The following STK32B variants were observed in gnomAD, a reference collection of about 807,000 sequenced individuals.
STK32B encodes the protein serine/threonine-protein kinase 32B.
In STK32B, 43 loss-of-function variants were observed where a neutral mutation model predicts 52.6. That is an observed-to-expected ratio of 0.82 (90% CI 0.64 to 1.05). The LOEUF (loss-of-function observed/expected upper bound fraction) is 1.05, where lower values mean the gene tolerates loss of function less well. Among genes scored for constraint, STK32B ranks in the 50% least tolerant of loss-of-function variants. STK32B has a pLI of 0.00. For missense variants in STK32B, 621 were observed against 534.6 expected (o/e 1.16, Z -1.59); for synonymous variants, 238 against 204.3 (o/e 1.17, Z -1.41).
intron 11 of STK32B, among the ~76,000 whole-genome samples, chr4:5,483,181 C>T (rs1560451541): frequency 6.6e-6 from 1 of 151,710 alleles, no homozygotes; most frequent in Non-Finnish European, 1.5e-5. Flanking sequence ...CCTCCTTGTA[C>T]CTCTGGTAGA....
chr4:5,491,622 CT>C (rs2108726406), intron 11 of STK32B, among the ~76,000 whole-genome samples: 1 of 152,052 alleles, frequency 6.6e-6, no homozygotes, highest in East Asian at 1.9e-4. Context: ...GTTGCCATTG[CT>C]TTTGGTGTTT....
rs74577998 is a variant in STK32B at position 5,338,426 on chromosome 4, G to A, written c.434+7033G>A. 4.5e-4 allele frequency among the ~76,000 whole-genome samples: 69 copies of A among 152,310 alleles called. No homozygotes were observed. In the East Asian group the frequency reaches 0.013, roughly 28 times the overall value. On this transcript the variant is annotated intron_variant, in intron 4 of 11. Transcript: ENST00000282908. ...AGAAGGTCACACCAGGGTAGAGTATGCTTCTGTTCCTTGATTGGGCTTCTT... is the reference window on the plus strand; with the variant it reads ...AGAAGGTCACACCAGGGTAGAGTATACTTCTGTTCCTTGATTGGGCTTCTT...
At chr4:5,154,417 G>T (rs1461264551) in intron 2 of STK32B, among the ~76,000 whole-genome samples, 3 of 152,110 alleles carry the variant, frequency 2.0e-5, no homozygotes, top group Non-Finnish European at 2.9e-5. Context: ...GTTTCACCAT[G>T]TTGGTCAGGC....
intron 5 of STK32B, among the ~76,000 whole-genome samples, chr4:5,406,265 G>T (rs56049798): frequency 1.3e-5 from 2 of 152,220 alleles, no homozygotes; most frequent in South Asian, 2.1e-4. Context: ...ATCTCTGCCC[G>T]TGTTGCTCTG....
chr4:5,113,926 G>C (rs113514336), intron 1 of STK32B, among the ~76,000 whole-genome samples: 1,235 of 28,768 alleles, frequency 0.043, 12 homozygotes, highest in African/African-American at 0.093. Flanking sequence ...AGGGAAACCC[G>C]CCCCCCTTTT....
intron 2 of STK32B, among the ~76,000 whole-genome samples, chr4:5,165,260 T>C (rs1718779428): frequency 6.6e-6 from 1 of 152,310 alleles, no homozygotes; most frequent in African/African-American, 2.4e-5. Flanking sequence ...CCAGGCTGCA[T>C]CCAATATCCT....
chr4:5,414,748 C>G (rs1712013395), intron 5 of STK32B, among the ~76,000 whole-genome samples: 1 of 152,158 alleles, frequency 6.6e-6, no homozygotes, highest in African/African-American at 2.4e-5. Flanking sequence ...AAAGAGAAAT[C>G]ATGGAGGAGC....
intron 6 of STK32B, 37 bp from the exon 7 acceptor site, chr4:5,446,636 A>G: frequency 6.3e-7 from 1 of 1,585,392 alleles, no homozygotes; most frequent in Non-Finnish European, 8.7e-7. Context: ...ATAAACTGGG[A>G]TACACAATGA....
chr4:5,318,876 T>G (rs1731293909), intron 3 of STK32B, among the ~76,000 whole-genome samples: 1 of 152,000 alleles, frequency 6.6e-6, no homozygotes, highest in Non-Finnish European at 1.5e-5. Flanking sequence ...CTCCACTCAC[T>G]GCAAGCTCTG....
At chr4:5,336,036 C>G (rs937666501) in intron 4 of STK32B, among the ~76,000 whole-genome samples, 3 of 150,654 alleles carry the variant, frequency 2.0e-5, no homozygotes, top group Admixed American at 6.7e-5. Flanking sequence ...AAAGGTTATT[C>G]TGCTAATGAG....
rs751962946 is a variant in STK32B, at chr4:5,466,671, C to G, written c.910-32C>G. On this transcript the variant is annotated intron_variant, in intron 9 of 11. Transcript: ENST00000282908. ...AATTCAGTGATGGGTGGAACGCAGA[C>G]AGACCATGTTTTCTTTTCTACTCCC... 1.1e-5 allele frequency: 17 copies of G among 1,595,468 alleles called. No homozygotes were observed. In the Admixed American group the frequency reaches 1.6e-4, roughly 15 times the overall value.
At chr4:5,190,589 A>G (rs138915227) in intron 3 of STK32B, among the ~76,000 whole-genome samples, 110 of 152,350 alleles carry the variant, frequency 7.2e-4, no homozygotes, top group African/African-American at 2.5e-3. Context: ...CAAAAGAGTC[A>G]TAGCTCACCC....
At chr4:5,231,123 A>G (rs1334601492) in intron 3 of STK32B, among the ~76,000 whole-genome samples, 2 of 151,848 alleles carry the variant, frequency 1.3e-5, no homozygotes, top group Non-Finnish European at 2.9e-5. Flanking sequence ...ACTCCACATC[A>G]CTCTCACAAG....
intron 1 of STK32B, among the ~76,000 whole-genome samples, chr4:5,131,401 A>G (rs1013535467): frequency 1.3e-5 from 2 of 152,196 alleles, no homozygotes; most frequent in African/African-American, 2.4e-5. Context: ...GCTTTGATTG[A>G]AGTTTGAATA....
chr4:5,376,735 A>T (rs889351746), intron 4 of STK32B, among the ~76,000 whole-genome samples: 5 of 151,944 alleles, frequency 3.3e-5, no homozygotes, highest in East Asian at 1.9e-4. Flanking sequence ...CCACACCTCC[A>T]CCCCGCACTC....
intron 3 of STK32B, among the ~76,000 whole-genome samples, chr4:5,244,290 C>T (rs1174996819): frequency 6.6e-6 from 1 of 152,144 alleles, no homozygotes; most frequent in Admixed American, 6.6e-5. Context: ...CAACTTCTTC[C>T]TGGTTTAGTC....
chr4:5,027,582 G>T, the STK32B span, among the ~76,000 whole-genome samples: 1 of 152,192 alleles, frequency 6.6e-6, no homozygotes, highest in Non-Finnish European at 1.5e-5. Flanking sequence ...ACCACTTATT[G>T]CACAGTTTTT....
In STK32B at chr4:5,058,651, C is replaced by G. The variant is rs1035240355; in HGVS notation, c.52+6736C>G. On this transcript the variant is annotated intron_variant, in intron 1 of 11. Transcript: ENST00000282908. This position sits in a 1 kb window ranked among gnomAD's most constrained non-coding sequence, Gnocchi z 4.8. ...GATTGTGACTCACTGCAGCCTCAACCTCCCCGGCTCAAGCAATCCTCCTGT... is the reference window on the plus strand; with the variant it reads ...GATTGTGACTCACTGCAGCCTCAACGTCCCCGGCTCAAGCAATCCTCCTGT... Among the ~76,000 whole-genome samples, 1 of 152,188 alleles carries G rather than the reference C, an allele frequency of 6.6e-6. No homozygotes were observed. The highest frequency in any genetic ancestry group is 1.5e-5 in the Non-Finnish European group (1 of 68,032).
At chr4:5,179,511 A>G (rs1720192065) in intron 3 of STK32B, among the ~76,000 whole-genome samples, 1 of 152,062 alleles carries the variant, frequency 6.6e-6, no homozygotes, top group East Asian at 1.9e-4. Flanking sequence ...GATAGATGAT[A>G]TATTAGATAG....
Sources: allele counts gnomAD v4.1 joint callset (sites outside exome capture counted in the v4.1 genomes callset), GRCh38; gene constraint gnomAD v4.1.1; non-coding constraint Gnocchi (gnomAD v3.1); transcripts MANE v1.5; gene names NCBI Gene and HGNC (gene_info 2026-07-23, HGNC 2026-07-21).